LEF1: variants seen among roughly 807,000 people sequenced by gnomAD.
LEF1 encodes the protein lymphoid enhancer binding factor 1.
A neutral mutation model predicts 51.2 loss-of-function variants in LEF1; 14 were observed. That is an observed-to-expected ratio of 0.27 (90% confidence interval 0.18 to 0.43). The LOEUF (loss-of-function observed/expected upper bound fraction) is 0.43. LEF1 is among the 20% of genes least tolerant of loss of function. The probability of loss-of-function intolerance (pLI) is 1.00; values close to 1 mark genes in which losing one functional copy is unlikely to be tolerated. For missense variants in LEF1, 386 were observed against 512.0 expected, an observed-to-expected ratio of 0.75 and a Z score of 2.37; for synonymous variants, 185 against 183.2, an observed-to-expected ratio of 1.01 and a Z score of -0.08.
intron 8 of LEF1, among the ~76,000 whole-genome samples, chr4:108,073,665 G>A (rs1197604816): frequency 6.6e-6 from 1 of 152,014 alleles, no homozygotes; most frequent in Non-Finnish European, 1.5e-5. Flanking sequence ...TATCAAGTTT[G>A]GGTCTTCTAC....
Position 108,167,387 on chromosome 4 carries a change from C to T in LEF1, c.213+168G>A. 1 of 635,540 alleles carries T rather than the reference C, an allele frequency of 1.6e-6. No individual in the cohort carries two copies. The highest frequency in any genetic ancestry group is 2.8e-6 in the Non-Finnish European group (1 of 361,288). The allele number at this position is 635,540 out of a possible 1,614,324, so 39.4% of individuals were successfully genotyped here. The stretch of plus-strand genomic sequence containing the variant: ...ACACACACACACACACACACACACA[C>T]ACACACACTGCGGACCGGGGGCCCA... On this transcript the variant is annotated intron_variant, in intron 1 of 11. Transcript: ENST00000265165. This position sits in a 1 kb window ranked among gnomAD's most constrained non-coding sequence, Gnocchi z 5.7.
intron 8 of LEF1, among the ~76,000 whole-genome samples, chr4:108,073,298 T>C (rs894361394): frequency 1.3e-5 from 2 of 152,122 alleles, no homozygotes; most frequent in South Asian, 2.1e-4. Flanking sequence ...GGCATGAGAA[T>C]TGCTTGAACC....
intron 8 of LEF1, among the ~76,000 whole-genome samples, chr4:108,074,451 T>C (rs1738710218): frequency 6.6e-6 from 1 of 152,200 alleles, no homozygotes; most frequent in Admixed American, 6.5e-5. Context: ...GTGATATTAT[T>C]ATTTATAATA....
chr4:108,069,952 T>A (rs2342290), intron 9 of LEF1, among the ~76,000 whole-genome samples: 2 of 148,582 alleles, frequency 1.3e-5, no homozygotes, highest in Non-Finnish European at 3.0e-5. Context: ...AGTGAGATTC[T>A]GTCTCAAAAA....
At chr4:108,081,103 C>G (rs985895381) in intron 6 of LEF1, among the ~76,000 whole-genome samples, 3 of 152,174 alleles carry the variant, frequency 2.0e-5, no homozygotes, top group African/African-American at 7.2e-5. Flanking sequence ...TCTGTCTCTT[C>G]TGACAGCCTC....
chr4:108,100,204 A>G (rs1218443098), intron 3 of LEF1, among the ~76,000 whole-genome samples: 1 of 152,230 alleles, frequency 6.6e-6, no homozygotes, highest in African/African-American at 2.4e-5. Context: ...AAAGCAGATT[A>G]CGTAAACTGG....
At chr4:108,049,440 C>T (rs1736834251) in intron 11 of LEF1, among the ~76,000 whole-genome samples, 1 of 152,194 alleles carries the variant, frequency 6.6e-6, no homozygotes, top group Non-Finnish European at 1.5e-5. Flanking sequence ...ATCCTCAAAG[C>T]TTTAATGATC....
chr4:108,088,927 A>T (rs1476740351), intron 4 of LEF1, among the ~76,000 whole-genome samples, 198 bp downstream of exon 4: 5 of 152,128 alleles, frequency 3.3e-5, no homozygotes, highest in African/African-American at 1.2e-4. Flanking sequence ...TCTGCTTTTT[A>T]ATAATGCATA....
At chr4:108,127,026 C>T (rs1332176265) in intron 3 of LEF1, among the ~76,000 whole-genome samples, 1 of 151,926 alleles carries the variant, frequency 6.6e-6, no homozygotes, top group Non-Finnish European at 1.5e-5. Context: ...TGTGAGTCAT[C>T]GACTAAATAC....
intron 3 of LEF1, among the ~76,000 whole-genome samples, chr4:108,096,778 A>G (rs542482305): frequency 6.6e-6 from 1 of 152,324 alleles, no homozygotes; most frequent in African/African-American, 2.4e-5. Flanking sequence ...AAATGGGCAA[A>G]TGGTGTGAAT....
At chr4:108,083,213 T>G (rs1739428776) in intron 5 of LEF1, 143 bp downstream of exon 5, 2 of 662,668 alleles carry the variant, frequency 3.0e-6, no homozygotes, top group Non-Finnish European at 5.5e-6. Flanking sequence ...TAAATTGAAA[T>G]GAATAAAGTT....
At chr4:108,075,905 T>C (rs1195854632) in intron 8 of LEF1, among the ~76,000 whole-genome samples, 1 of 152,208 alleles carries the variant, frequency 6.6e-6, no homozygotes, top group East Asian at 1.9e-4. Flanking sequence ...TCAAGACTCC[T>C]CAGGATCATA....
At chr4:108,077,434 A>AGTCTGGGAAGTGAGGGGCG (rs1217128157) in intron 8 of LEF1, among the ~76,000 whole-genome samples, 1 of 115,298 alleles carries the variant, frequency 8.7e-6, no homozygotes, top group African/African-American at 3.8e-5. Flanking sequence ...AGTGAGGGGC[A>AGTCTGGGAAGTGAGGGGCG]CCTCTGCCCG....
At chr4:108,163,782 T>C in intron 2 of LEF1, 81 bp from the exon 3 acceptor site, 2 of 1,441,378 alleles carry the variant, frequency 1.4e-6, no homozygotes, top group Non-Finnish European at 1.9e-6. Context: ...AATCTAATAG[T>C]TCTAAGATAA....
chr4:108,079,452 A>T (rs1244408608), intron 7 of LEF1, 40 bp downstream of exon 7: 1 of 1,610,682 alleles, frequency 6.2e-7, no homozygotes, highest in Non-Finnish European at 8.5e-7. Flanking sequence ...AATCCTCAGT[A>T]TCCTAAGGCA....
intron 3 of LEF1, among the ~76,000 whole-genome samples, chr4:108,157,756 T>C (rs1203372738): frequency 6.6e-6 from 1 of 152,260 alleles, no homozygotes; most frequent in Non-Finnish European, 1.5e-5. Flanking sequence ...CAATTTTCCC[T>C]ATACAGATTG....
intron 3 of LEF1, among the ~76,000 whole-genome samples, chr4:108,140,459 C>G (rs1743569866): frequency 6.6e-6 from 1 of 152,112 alleles, no homozygotes; most frequent in South Asian, 2.1e-4. Context: ...CACCCAGGGA[C>G]CGGAGGGGAT....
intron 3 of LEF1, among the ~76,000 whole-genome samples, chr4:108,134,883 C>T (rs1288367465): frequency 1.3e-5 from 2 of 152,216 alleles, no homozygotes; most frequent in African/African-American, 4.8e-5. Context: ...ATAACCCACC[C>T]AGCATCCCTG....
intron 3 of LEF1, among the ~76,000 whole-genome samples, chr4:108,121,548 GA>G (rs1480673923): frequency 2.6e-5 from 4 of 152,202 alleles, no homozygotes; most frequent in Non-Finnish European, 5.9e-5. Context: ...GGGCATTACA[GA>G]GTTGTCACTT....
Sources: allele counts gnomAD v4.1 joint callset (sites outside exome capture counted in the v4.1 genomes callset), GRCh38; gene constraint gnomAD v4.1.1; non-coding constraint Gnocchi (gnomAD v3.1); transcripts MANE v1.5; gene names NCBI Gene and HGNC (gene_info 2026-07-23, HGNC 2026-07-21).